The following DRC9 variants were observed in gnomAD, a reference collection of about 807,000 sequenced individuals.
The protein encoded by DRC9 is dynein regulatory complex subunit 9.
chr3:197,908,541 G>A, the DRC9 span, among the ~76,000 whole-genome samples: 2 of 144,162 alleles, frequency 1.4e-5, no homozygotes, highest in African/African-American at 2.6e-5. Flanking sequence ...CATCCTCCCA[G>A]ATGAAGTTAT....
chr3:197,955,839 T>G, the DRC9 span: 2 of 1,297,074 alleles, frequency 1.5e-6, no homozygotes, highest in African/African-American at 2.9e-5. Context: ...ATTAAAAAAC[T>G]TACTACCTTA....
At chr3:197,914,154 T>A in the DRC9 span, 1 of 897,530 alleles carries the variant, frequency 1.1e-6, no homozygotes, top group Non-Finnish European at 1.8e-6. Flanking sequence ...GAACTGGAAC[T>A]ATTTTTCCGC....
chr3:197,909,264 A>G, the DRC9 span, among the ~76,000 whole-genome samples: 13 of 152,326 alleles, frequency 8.5e-5, no homozygotes, highest in African/African-American at 1.4e-4. Context: ...CACTACTACA[A>G]CCAACAAGTA....
chr3:197,957,577 C>T, the DRC9 span: 1 of 152,064 alleles, frequency 6.6e-6, no homozygotes, highest in African/African-American at 2.4e-5. Context: ...GTCTCAGCCT[C>T]CCAGGATTGT....
At chr3:197,959,977 C>G in the DRC9 span, 24 of 546,178 alleles carry the variant, frequency 4.4e-5, no homozygotes, top group Non-Finnish European at 7.8e-5. Context: ...CACCCACATA[C>G]GGCCAACGCC....
chr3:197,949,663 T>C, the DRC9 span: 1 of 156,066 alleles, frequency 6.4e-6, no homozygotes, highest in African/African-American at 2.4e-5. Flanking sequence ...AAGAGATAAA[T>C]AAGTAGAGGG....
At chr3:197,943,699 C>A in the DRC9 span, 1 of 1,189,418 alleles carries the variant, frequency 8.4e-7, no homozygotes, top group South Asian at 1.4e-5. Flanking sequence ...AAAATAAGTA[C>A]ATTTAATGGG....
the DRC9 span, chr3:197,938,675 A>G: frequency 1.3e-4 from 210 of 1,614,086 alleles, no homozygotes; most frequent in Non-Finnish European, 1.6e-4. Context: ...ATTTCTGGCA[A>G]GTTGGGTCCT....
chr3:197,905,255 G>A, the DRC9 span, among the ~76,000 whole-genome samples: 1 of 152,136 alleles, frequency 6.6e-6, no homozygotes. Flanking sequence ...TAGCACAAAG[G>A]ATAAAGGCTC....
the DRC9 span, among the ~76,000 whole-genome samples, chr3:197,901,884 T>C: frequency 6.6e-6 from 1 of 152,080 alleles, no homozygotes; most frequent in Non-Finnish European, 1.5e-5. This position sits in a 1 kb window ranked among gnomAD's most constrained non-coding sequence, Gnocchi z 4.4. Flanking sequence ...TGAGTGAACA[T>C]AGGTGGTAGC....
chr3:197,890,887 A>G, the DRC9 span, among the ~76,000 whole-genome samples: 2 of 152,198 alleles, frequency 1.3e-5, no homozygotes, highest in African/African-American at 4.8e-5. Context: ...CGACCTTCAG[A>G]GAGAAGGGCC....
the DRC9 span, among the ~76,000 whole-genome samples, chr3:197,902,311 C>A: frequency 6.6e-6 from 1 of 152,094 alleles, no homozygotes; most frequent in Non-Finnish European, 1.5e-5. Flanking sequence ...GCCCATATAC[C>A]GATGAACATC....
chr3:197,957,036 A>C, the DRC9 span: 1 of 152,210 alleles, frequency 6.6e-6, no homozygotes, highest in Non-Finnish European at 1.5e-5. Flanking sequence ...TCTATGCTGC[A>C]AAAGAATTAA....
chr3:197,951,260 A>G, the DRC9 span: 24 of 1,614,070 alleles, frequency 1.5e-5, no homozygotes, highest in East Asian at 5.3e-4. Context: ...GCCCGAGATG[A>G]AACAGAATTC....
the DRC9 span, among the ~76,000 whole-genome samples, chr3:197,933,877 C>T: frequency 6.8e-6 from 1 of 147,398 alleles, no homozygotes; most frequent in Non-Finnish European, 1.5e-5. Flanking sequence ...GTGGTGTGAT[C>T]TTGGCTCACT....
the DRC9 span, among the ~76,000 whole-genome samples, chr3:197,952,163 T>G: frequency 9.0e-3 from 395 of 44,120 alleles, no homozygotes; most frequent in African/African-American, 0.088. Context: ...AAATTATGGG[T>G]TTTTTTTTTT....
the DRC9 span, among the ~76,000 whole-genome samples, chr3:197,948,298 A>C: frequency 2.6e-5 from 4 of 152,144 alleles, no homozygotes; most frequent in Non-Finnish European, 5.9e-5. Context: ...AGTTTGAAAA[A>C]TGCCTTAACT....
At chr3:197,944,119 C>T in the DRC9 span, 2 of 1,411,776 alleles carry the variant, frequency 1.4e-6, no homozygotes, top group Non-Finnish European at 1.9e-6. Context: ...CTCAAAAGCA[C>T]AGGCAGCAAC....
chr3:197,954,982 T>C, the DRC9 span, among the ~76,000 whole-genome samples: 2 of 152,214 alleles, frequency 1.3e-5, no homozygotes, highest in East Asian at 3.9e-4. Context: ...AAACAGACTC[T>C]CATGTTCCTA....
Sources: gnomAD v4.1 joint callset for allele counts (sites outside exome capture counted in the v4.1 genomes callset) on GRCh38, gnomAD v4.1.1 for gene constraint, Gnocchi (gnomAD v3.1) non-coding constraint, MANE v1.5 for transcripts, NCBI Gene and HGNC (gene_info 2026-07-23, HGNC 2026-07-21) for gene names.